PXDNL: variants seen among roughly 807,000 people sequenced by gnomAD.
PXDNL encodes peroxidasin like.
In PXDNL, 145 loss-of-function variants were observed where a neutral mutation model predicts 150.8. That is an observed-to-expected ratio of 0.96 (90% CI 0.84 to 1.10). The LOEUF is 1.10. PXDNL is among the 50% of genes least tolerant of loss of function. The probability of loss-of-function intolerance (pLI) is 0.00; values close to 1 mark genes in which losing one functional copy is unlikely to be tolerated. For missense variants in PXDNL, 2,087 were observed against 1,873.9 expected, an observed-to-expected ratio of 1.11 and a Z score of -2.10; for synonymous variants, 757 against 725.7, an observed-to-expected ratio of 1.04 and a Z score of -0.69.
intron 1 of PXDNL, among the ~76,000 whole-genome samples, chr8:51,694,762 T>G (rs1198037803): frequency 1.3e-5 from 2 of 152,206 alleles, no homozygotes; most frequent in African/African-American, 4.8e-5. Context: ...TTAACTTTAT[T>G]TAAAGTTAAA....
intron 3 of PXDNL, among the ~76,000 whole-genome samples, chr8:51,590,610 AT>A (rs1813423564): frequency 6.6e-6 from 1 of 152,132 alleles, no homozygotes; most frequent in Admixed American, 6.5e-5. Flanking sequence ...TCCCTATTAG[AT>A]TTTGGATTAA....
intron 21 of PXDNL, among the ~76,000 whole-genome samples, chr8:51,324,664 T>C (rs1805429986): frequency 6.6e-6 from 1 of 152,194 alleles, no homozygotes; most frequent in Admixed American, 6.5e-5. Flanking sequence ...TTGCTAGTCT[T>C]CTATCTTCCA....
chr8:51,784,155 C>G (rs1212641297), intron 1 of PXDNL, among the ~76,000 whole-genome samples: 1 of 152,202 alleles, frequency 6.6e-6, no homozygotes, highest in East Asian at 1.9e-4. Flanking sequence ...ATACAAGACT[C>G]TCCTCTCTTT....
chr8:51,732,753 G>C (rs1816958593), intron 1 of PXDNL, among the ~76,000 whole-genome samples: 1 of 152,196 alleles, frequency 6.6e-6, no homozygotes, highest in Admixed American at 6.5e-5. Context: ...GCAGGCAAGA[G>C]AGCGTGTGTA....
At chr8:51,339,329 G>A (rs572284268) in intron 21 of PXDNL, among the ~76,000 whole-genome samples, 10 of 152,222 alleles carry the variant, frequency 6.6e-5, no homozygotes, top group East Asian at 3.9e-4. Flanking sequence ...GTGTAGTGAC[G>A]GACGCCTGTA....
chr8:51,368,911 A>G (rs1042695509), intron 19 of PXDNL, among the ~76,000 whole-genome samples: 3 of 152,052 alleles, frequency 2.0e-5, no homozygotes, highest in Non-Finnish European at 2.9e-5. Flanking sequence ...CAGGAGAATC[A>G]CTTGAACCTG....
chr8:51,809,139 G>T (rs748601487), intron 1 of PXDNL, 42 bp downstream of exon 1: 30 of 1,601,584 alleles, frequency 1.9e-5, no homozygotes, highest in Non-Finnish European at 2.6e-5. Context: ...AAGCAATGAA[G>T]CATTGGGGAA....
intron 2 of PXDNL, among the ~76,000 whole-genome samples, chr8:51,640,831 C>T (rs1225633511): frequency 6.6e-6 from 1 of 151,866 alleles, no homozygotes; most frequent in Admixed American, 6.6e-5. Flanking sequence ...CAATGACTTT[C>T]TTCACAGAAT....
chr8:51,390,124 G>A (rs775076055), intron 17 of PXDNL, among the ~76,000 whole-genome samples: 4 of 152,044 alleles, frequency 2.6e-5, no homozygotes, highest in Admixed American at 6.6e-5. Context: ...TTGTTAATGA[G>A]AAAATGAGGA....
intron 3 of PXDNL, among the ~76,000 whole-genome samples, chr8:51,588,739 C>T (rs551993958): frequency 5.6e-4 from 85 of 152,214 alleles, no homozygotes; most frequent in Non-Finnish European, 1.1e-3. Context: ...AAGGGAGTTA[C>T]TCGTGACATG....
intron 12 of PXDNL, among the ~76,000 whole-genome samples, chr8:51,438,981 A>G (rs1025583606): frequency 1.3e-5 from 2 of 152,250 alleles, no homozygotes; most frequent in Non-Finnish European, 2.9e-5. Flanking sequence ...GTAGAAGATG[A>G]CATCGGGAAA....
intron 2 of PXDNL, among the ~76,000 whole-genome samples, chr8:51,647,680 T>C (rs1814948137): frequency 6.6e-6 from 1 of 152,204 alleles, no homozygotes; most frequent in African/African-American, 2.4e-5. Context: ...GATCTACCAC[T>C]GCATTTTTCT....
chr8:51,319,904 G>T lies in PXDNL; in HGVS notation c.4379C>A (p.Pro1460Gln). 6.5e-7 allele frequency: 1 copy of T among 1,540,562 alleles called. No homozygotes were observed. The highest frequency in any genetic ancestry group is 8.7e-7 in the Non-Finnish European group (1 of 1,146,466). ...CRDRGMPSDS[P>Q]EKR ...ACAAAACTTTTATTAGCGCTTCTCT[G>T]GGGAATCACTTGGCATTCCTCGGTC... Residue 1460 changes from proline (P) to glutamine (Q), a missense_variant, in exon 23 of 23, where the codon CCA (proline) becomes CAA (glutamine). Transcript: ENST00000356297.
intron 17 of PXDNL, among the ~76,000 whole-genome samples, chr8:51,402,254 G>A (rs1808274590): frequency 6.6e-6 from 1 of 152,172 alleles, no homozygotes; most frequent in Non-Finnish European, 1.5e-5. Flanking sequence ...GCAGGGCTGG[G>A]CACGATGGCT....
In PXDNL at chr8:51,740,927, T is replaced by C. The variant is rs373241207; in HGVS notation, c.164+68254A>G. ...GATACTGGCCTGAAGTTTCCTTCTTTTGTTGTATCTCCTCCAGGTTTTGGT... is the reference window on the plus strand; with the variant it reads ...GATACTGGCCTGAAGTTTCCTTCTTCTGTTGTATCTCCTCCAGGTTTTGGT... On this transcript the variant is annotated intron_variant, in intron 1 of 22. Coordinates refer to ENST00000356297, the MANE Select transcript of PXDNL (RefSeq NM_144651.5). Among the ~76,000 whole-genome samples, 29 of 152,320 alleles carry C rather than the reference T, an allele frequency of 1.9e-4. 1 individual carries two copies. In the East Asian group the frequency reaches 1.9e-3, roughly 10 times the overall value.
intron 2 of PXDNL, among the ~76,000 whole-genome samples, chr8:51,606,011 T>A (rs1311067678): frequency 1.3e-5 from 2 of 152,152 alleles, no homozygotes; most frequent in Non-Finnish European, 2.9e-5. Context: ...CTGTAAGAAA[T>A]TAATTTATTT....
intron 1 of PXDNL, among the ~76,000 whole-genome samples, chr8:51,696,476 T>G (rs935252521): frequency 6.6e-6 from 1 of 152,234 alleles, no homozygotes; most frequent in African/African-American, 2.4e-5. Flanking sequence ...CCACCAAGTC[T>G]GTGGTCTTTG....
At chr8:51,320,977 A>G in intron 21 of PXDNL, 80 bp from the exon 22 acceptor site, 2 of 1,035,958 alleles carry the variant, frequency 1.9e-6, no homozygotes, top group Admixed American at 3.5e-5. Context: ...GGTTTGATGA[A>G]ATGCTCTATT....
chr8:51,741,799 T>C (rs2036909192), intron 1 of PXDNL, among the ~76,000 whole-genome samples: 3 of 152,220 alleles, frequency 2.0e-5, no homozygotes, highest in Non-Finnish European at 4.4e-5. Context: ...GGTGGGAATG[T>C]AAAATATCAC....
Sources: gnomAD v4.1 joint callset for allele counts (sites outside exome capture counted in the v4.1 genomes callset) on GRCh38, gnomAD v4.1.1 for gene constraint, MANE v1.5 for transcripts, NCBI Gene and HGNC (gene_info 2026-07-23, HGNC 2026-07-21) for gene names.